The following PRDM10 variants were observed in gnomAD, a reference collection of about 807,000 sequenced individuals.
PRDM10 encodes the protein PR/SET domain 10.
In PRDM10, 65 loss-of-function variants were observed where a neutral mutation model predicts 133.1. The ratio of observed to expected loss-of-function variants is 0.49; its 90% CI spans 0.40 to 0.60. PRDM10 has a LOEUF of 0.60. PRDM10 is among the 20% of genes least tolerant of loss of function. PRDM10 has a pLI of 0.00. For synonymous variants in PRDM10, 582 were observed against 580.4 expected (o/e 1.00, Z -0.04); for missense variants, 1,137 against 1,507.1 (o/e 0.75, Z 4.07).
At chr11:129,960,763 C>T (rs1951780573) in intron 2 of PRDM10, 133 bp downstream of exon 2, 4 of 871,192 alleles carry the variant, frequency 4.6e-6, no homozygotes, top group East Asian at 2.6e-5. Context: ...GTCCCTATTC[C>T]TTGTGTACGA....
At chr11:129,950,578 TC>T (rs1466860325) in intron 4 of PRDM10, among the ~76,000 whole-genome samples, 1 of 152,054 alleles carries the variant, frequency 6.6e-6, no homozygotes, top group Non-Finnish European at 1.5e-5. Flanking sequence ...TGTGGCCACC[TC>T]CCCCTCAACC....
intron 3 of PRDM10, 44 bp from the exon 4 acceptor site, chr11:129,955,615 T>C (rs755450778): frequency 1.3e-6 from 2 of 1,587,266 alleles, no homozygotes; most frequent in South Asian, 1.1e-5. Flanking sequence ...GCTCTTTGGA[T>C]AGCCTGCCTA....
chr11:129,991,803 G>A (rs1938768361), intron 1 of PRDM10, among the ~76,000 whole-genome samples: 2 of 145,142 alleles, frequency 1.4e-5, no homozygotes, highest in East Asian at 4.1e-4. Context: ...TAGTGACAGA[G>A]CGAGACTCCA....
intron 1 of PRDM10, among the ~76,000 whole-genome samples, chr11:129,970,753 C>A (rs918954386): frequency 6.6e-6 from 1 of 151,998 alleles, no homozygotes; most frequent in African/African-American, 2.4e-5. Context: ...ACGATGTTGG[C>A]CAGGTTGGTC....
chr11:129,972,086 G>A (rs1013564106), intron 1 of PRDM10, among the ~76,000 whole-genome samples: 6 of 152,228 alleles, frequency 3.9e-5, no homozygotes, highest in Non-Finnish European at 7.3e-5. Context: ...CTCACTGCCC[G>A]GGGCGGCAAG....
intron 1 of PRDM10, among the ~76,000 whole-genome samples, chr11:129,969,713 A>G (rs1448706003): frequency 6.6e-6 from 1 of 152,060 alleles, no homozygotes; most frequent in Non-Finnish European, 1.5e-5. Context: ...AGGCTGAGAC[A>G]CAAGAATCAC....
intron 3 of PRDM10, among the ~76,000 whole-genome samples, chr11:129,955,877 T>C (rs112623639): frequency 1.3e-5 from 2 of 152,136 alleles, no homozygotes; most frequent in African/African-American, 4.8e-5. Context: ...AGGCATCTCA[T>C]GAAAACACAA....
In PRDM10 at chr11:129,942,417, G is replaced by A. The variant is rs760679252; in HGVS notation, c.966+9C>T. 4 of 1,612,720 alleles carry A rather than the reference G, an allele frequency of 2.5e-6. No individual in the cohort carries two copies. The African/African-American group carries it at 5.3e-5, about 22-fold the overall frequency. ...AGCAAATAGCAGCACGGGTCAGGCA[G>A]CACTGTACCTTCAGTTCCTGCTTGG... On this transcript the variant is annotated intron_variant, in intron 7 of 20. Transcript: ENST00000360871.
chr11:129,942,030 G>C (rs1030388101), intron 7 of PRDM10, among the ~76,000 whole-genome samples: 1 of 152,050 alleles, frequency 6.6e-6, no homozygotes, highest in Non-Finnish European at 1.5e-5. Flanking sequence ...CAAGTAGCTG[G>C]GATTACAGGC....
chr11:129,990,932 T>C (rs867888353), intron 1 of PRDM10, among the ~76,000 whole-genome samples: 1 of 152,220 alleles, frequency 6.6e-6, no homozygotes, highest in East Asian at 1.9e-4. Flanking sequence ...CTCACTGGCA[T>C]ATAATGAAGA....
At chr11:129,999,928 G>A (rs549388705) in intron 1 of PRDM10, among the ~76,000 whole-genome samples, 16 of 151,888 alleles carry the variant, frequency 1.1e-4, no homozygotes, top group Non-Finnish European at 2.2e-4. Context: ...CCAAGATTAT[G>A]TCGTTTGTAC....
At chr11:129,972,677 A>G (rs1591679552) in intron 1 of PRDM10, among the ~76,000 whole-genome samples, 1 of 152,216 alleles carries the variant, frequency 6.6e-6, no homozygotes, top group Non-Finnish European at 1.5e-5. Context: ...GATCATGGAA[A>G]GGATTTAGAG....
At position 129,918,494 on chromosome 11, in the gene PRDM10, G is replaced by A. The variant is rs774015651; in HGVS notation, c.2214+45C>T. On this transcript the variant is annotated intron_variant, in intron 14 of 20. Transcript: ENST00000360871. The surrounding 1 kb of genome is among the most constrained non-coding windows in gnomAD (Gnocchi z 5.3). ...ACGTCACCATCATCGACAGCAATGA[G>A]GTATGCTGGGAAGACAGAGGAACCC... 2 of 1,586,424 alleles carry A rather than the reference G, an allele frequency of 1.3e-6. No homozygotes were observed. The highest frequency in any genetic ancestry group is 4.5e-5 in the East Asian group (2 of 44,532).
intron 11 of PRDM10, among the ~76,000 whole-genome samples, chr11:129,929,637 C>G (rs1254953412): frequency 6.6e-6 from 1 of 152,004 alleles, no homozygotes; most frequent in African/African-American, 2.4e-5. Flanking sequence ...ACACAAGGAA[C>G]CTTGCACCAA....
intron 9 of PRDM10, among the ~76,000 whole-genome samples, chr11:129,933,017 C>G (rs1185562385): frequency 6.6e-6 from 1 of 152,166 alleles, no homozygotes; most frequent in African/African-American, 2.4e-5. Flanking sequence ...TCTTGGGCCT[C>G]CCAAAGTGCG....
At chr11:129,967,791 C>T (rs1408646997) in intron 1 of PRDM10, among the ~76,000 whole-genome samples, 1 of 152,058 alleles carries the variant, frequency 6.6e-6, no homozygotes, top group Non-Finnish European at 1.5e-5. Context: ...CCTACTTTTC[C>T]AGCTAGTTCA....
intron 11 of PRDM10, among the ~76,000 whole-genome samples, chr11:129,928,385 T>C (rs1299361725): frequency 6.6e-6 from 1 of 151,902 alleles, no homozygotes; most frequent in Non-Finnish European, 1.5e-5. Context: ...GTTTGTTGAT[T>C]TGGGGTTTTG....
intron 1 of PRDM10, among the ~76,000 whole-genome samples, chr11:129,976,689 A>G (rs1049594042): frequency 1.3e-5 from 2 of 152,222 alleles, no homozygotes; most frequent in African/African-American, 4.8e-5. Context: ...ACTTGGAAGG[A>G]ACGTAATAGA....
rs1442524213 is a variant in PRDM10, at chr11:129,912,140, T to C, written c.2927A>G (p.Gln976Arg). ...DPQPYPQHAI[Q>R]VQHIQVSEPT... is the part of the protein sequence containing the mutation. ...CTCGCTGACCTGGATGTGCTGCACC[T>C]GGATGGCGTGCTGGGGGTAGGGCTG... Residue 976 changes from glutamine (Q) to arginine (R), a missense_variant, in exon 18 of 21, where the codon CAG becomes CGG. Physicochemically the swap from Gln to Arg is conservative, Grantham distance 43. This residue lies in a region of PRDM10 where 243 missense variants were observed against 259.2 expected (regional missense o/e 0.94). Coordinates refer to ENST00000360871, the MANE Select transcript of PRDM10 (RefSeq NM_199437.2). 2.5e-6 allele frequency: 4 copies of C among 1,613,042 alleles called. No homozygotes were observed. In the South Asian group the frequency reaches 3.3e-5, roughly 13 times the overall value.
Sources: allele counts gnomAD v4.1 joint callset (sites outside exome capture counted in the v4.1 genomes callset), GRCh38; gene constraint gnomAD v4.1.1; regional missense constraint gnomAD v4.1.1; non-coding constraint Gnocchi (gnomAD v3.1); transcripts MANE v1.5; gene names NCBI Gene and HGNC (gene_info 2026-07-23, HGNC 2026-07-21).